Variants in MYO1E observed in about 807,000 individuals in gnomAD.
The protein encoded by MYO1E is myosin IE.
Under a neutral mutation model 151.1 loss-of-function variants are expected in MYO1E, and 68 were observed. The observed-to-expected ratio is 0.45, with a 90% CI of 0.37 to 0.55. The LOEUF (loss-of-function observed/expected upper bound fraction) is 0.55. Among genes scored for constraint, MYO1E ranks in the 20% least tolerant of loss-of-function variants. The pLI is 0.00. For missense variants in MYO1E, 1,363 were observed against 1,389.3 expected, an observed-to-expected ratio of 0.98 and a Z score of 0.30; for synonymous variants, 601 against 501.7, an observed-to-expected ratio of 1.20 and a Z score of -2.64.
rs1300702771 is a variant in MYO1E at position 59,238,409 on chromosome 15, CAA to C, written c.333-1739_333-1738del. Among the ~76,000 whole-genome samples, 3 of 152,146 alleles carry C rather than the reference CAA, an allele frequency of 2.0e-5. No individual in the cohort carries two copies. The South Asian group carries it at 6.2e-4, about 31-fold the overall frequency. On this transcript the variant is annotated intron_variant, in intron 4 of 27. Transcript: ENST00000288235. The stretch of plus-strand genomic sequence containing the variant: ...ACTGCACAGGCATTTGAAGTACTTA[CAA>C]AGAGTATGTAGCAACATAAAGATAA...
At chr15:59,325,647 T>C (rs2080659033) in intron 1 of MYO1E, among the ~76,000 whole-genome samples, 1 of 152,242 alleles carries the variant, frequency 6.6e-6, no homozygotes, top group Admixed American at 6.5e-5. Flanking sequence ...TTTTTAAAAA[T>C]TAATTTAGCA....
At chr15:59,186,152 A>G (rs76998026) in intron 18 of MYO1E, among the ~76,000 whole-genome samples, 8 of 152,188 alleles carry the variant, frequency 5.3e-5, no homozygotes, top group African/African-American at 1.9e-4. Context: ...TTCAGAGAAC[A>G]AAGAGGGTAA....
intron 1 of MYO1E, among the ~76,000 whole-genome samples, chr15:59,289,968 C>T (rs1345568661): frequency 6.6e-6 from 1 of 152,216 alleles, no homozygotes; most frequent in Non-Finnish European, 1.5e-5. Flanking sequence ...AAGAAGTGTG[C>T]CCCACAATGT....
At chr15:59,287,879 G>A (rs753935570) in intron 1 of MYO1E, among the ~76,000 whole-genome samples, 7 of 152,172 alleles carry the variant, frequency 4.6e-5, no homozygotes, top group Non-Finnish European at 8.8e-5. Flanking sequence ...TCAACTAGAA[G>A]GAGTGGATCA....
chr15:59,210,617 A>T lies in MYO1E; in HGVS notation c.1276-17T>A. On this transcript the variant is annotated splice_polypyrimidine_tract_variant and intron_variant, in intron 12 of 27. Transcript: ENST00000288235. ...ATATTCTTCCTGTAACACAGAGACA[A>T]GGAACTCACATTATTTCCCAGATAG... 1.3e-6 allele frequency: 2 copies of T among 1,524,280 alleles called. No homozygotes were observed. Among genetic ancestry groups the T allele is most frequent in the Non-Finnish European group, 1.8e-6 (2 of 1,098,214 alleles). 94.4% of individuals were successfully genotyped at this position (1,524,280 alleles called of 1,614,324 possible).
At chr15:59,285,753 T>C (rs1253451468) in intron 1 of MYO1E, among the ~76,000 whole-genome samples, 1 of 152,150 alleles carries the variant, frequency 6.6e-6, no homozygotes, top group East Asian at 1.9e-4. Context: ...AAAGAAAAAA[T>C]TAAGTCAGCC....
At chr15:59,184,270 G>A (rs566106000) in intron 18 of MYO1E, among the ~76,000 whole-genome samples, 7 of 152,282 alleles carry the variant, frequency 4.6e-5, no homozygotes, top group Admixed American at 1.3e-4. Context: ...GCCTCCCAAA[G>A]TGCTGGGATA....
At chr15:59,216,111 A>C (rs1466406653) in intron 10 of MYO1E, among the ~76,000 whole-genome samples, 2 of 152,206 alleles carry the variant, frequency 1.3e-5, no homozygotes, top group Non-Finnish European at 2.9e-5. Context: ...TAAGCCGTAT[A>C]AATGTTAGTG....
At chr15:59,322,764 GT>G (rs1173574917) in intron 1 of MYO1E, among the ~76,000 whole-genome samples, 1 of 151,778 alleles carries the variant, frequency 6.6e-6, no homozygotes, top group Non-Finnish European at 1.5e-5. Flanking sequence ...GAGTTTGTTT[GT>G]TTTTTTTCCA....
intron 12 of MYO1E, chr15:59,212,644 T>C (rs532681745): frequency 1.3e-5 from 2 of 152,294 alleles, no homozygotes; most frequent in South Asian, 4.1e-4. Flanking sequence ...TTTTTACAGT[T>C]CACTCTCCAT....
In MYO1E at chr15:59,325,160, C is replaced by T. The variant is rs150445077; in HGVS notation, c.3+47338G>A. Among the ~76,000 whole-genome samples, 16 of 152,146 alleles carry T rather than the reference C, an allele frequency of 1.1e-4. No homozygotes were observed. The East Asian group carries it at 2.3e-3, about 22-fold the overall frequency. On this transcript the variant is annotated intron_variant, in intron 1 of 27. Transcript: ENST00000288235. ...AGCGATTCTCCTGCCTCAGCCCTTCCGAGGAGCTGTGACTACAGGCGCCCG... is the reference window on the plus strand; with the variant it reads ...AGCGATTCTCCTGCCTCAGCCCTTCTGAGGAGCTGTGACTACAGGCGCCCG...
rs556155763 is a variant in MYO1E, at chr15:59,163,351, T to G, written c.2481-48A>C. The G allele has an allele frequency of 6.3e-6, 10 of 1,581,904 alleles. No individual in the cohort carries two copies. In the African/African-American group the frequency reaches 1.4e-4, roughly 21 times the overall value. ...CACTTGGTGAAAGCTGTGCTTCTGT[T>G]TACTCTATTGTTTTTTTTTTCTTCC... is the stretch of plus-strand genomic sequence containing the variant. On this transcript the variant is annotated intron_variant, in intron 22 of 27. Coordinates refer to ENST00000288235, the MANE Select transcript of MYO1E (RefSeq NM_004998.4).
intron 1 of MYO1E, among the ~76,000 whole-genome samples, chr15:59,330,073 TG>T (rs1253290969): frequency 6.6e-6 from 1 of 152,248 alleles, no homozygotes; most frequent in East Asian, 1.9e-4. Flanking sequence ...CACTTTATTC[TG>T]CATGTGGATT....
chr15:59,220,514 G>A (rs1326062883), intron 9 of MYO1E, among the ~76,000 whole-genome samples: 1 of 152,160 alleles, frequency 6.6e-6, no homozygotes, highest in South Asian at 2.1e-4. Context: ...TTTTGCTTTA[G>A]TAGGCCAGTT....
chr15:59,138,259 G>A lies in MYO1E; in HGVS notation c.3189C>T (p.Asp1063=), dbSNP rs762609400. Residue 1063 remains aspartate (D), a synonymous_variant, in exon 27 of 28, where the codon GAC becomes GAT. Transcript: ENST00000288235. ...VPQCKALYAY[D]AQDTDELSFN... is the part of the protein sequence containing the mutation. ...AGCTGAGTTCGTCTGTGTCCTGAGC[G>A]TCATAGGCATACAAAGCCTTGCACT... The A allele has an allele frequency of 8.1e-5, 130 of 1,614,096 alleles. No individual in the cohort carries two copies. Among genetic ancestry groups the A allele is most frequent in the East Asian group, 1.3e-4 (6 of 44,894 alleles).
At chr15:59,182,299 G>A (rs897427446) in intron 18 of MYO1E, among the ~76,000 whole-genome samples, 3 of 151,994 alleles carry the variant, frequency 2.0e-5, no homozygotes, top group Admixed American at 6.6e-5. Context: ...TGCAACCTGC[G>A]CCTCCCGGGT....
rs942710267 is a variant in MYO1E at position 59,248,544 on chromosome 15, G to C, written c.332+7740C>G. On this transcript the variant is annotated intron_variant, in intron 4 of 27. Coordinates refer to ENST00000288235, the MANE Select transcript of MYO1E (RefSeq NM_004998.4). ...CCATAGAAGCCACTCTTCCTGATTT[G>C]TCTGCCAGTGGGCTGAGGAGGAAGG... 2.1e-5 allele frequency among the ~76,000 whole-genome samples: 3 copies of C among 144,128 alleles called. No homozygotes were observed. In the South Asian group the frequency reaches 6.8e-4, roughly 33 times the overall value. The allele number at this position is 144,128 out of a possible 152,430, so 94.6% of individuals were successfully genotyped here. A position where few individuals can be genotyped will look rare whatever the true frequency, so the allele number is the denominator to read the frequency against.
chr15:59,241,518 T>G (rs879493652), intron 4 of MYO1E, among the ~76,000 whole-genome samples: 2 of 152,020 alleles, frequency 1.3e-5, no homozygotes, highest in African/African-American at 2.4e-5. Flanking sequence ...CTGGCCGACA[T>G]GGTAAAACCC....
In MYO1E at chr15:59,319,501, C is replaced by T. The variant is rs190767827; in HGVS notation, c.4-47052G>A. Among the ~76,000 whole-genome samples the T allele has an allele frequency of 4.6e-5, 6 of 129,362 alleles. No individual in the cohort carries two copies. The East Asian group carries it at 1.4e-3, about 30-fold the overall frequency. The allele number at this position is 129,362 out of a possible 152,430, so 84.9% of individuals were successfully genotyped here. ...GGAAGTTTTAGCCAGAGCTATCAGG[C>T]AAGAGAAAGAAAGAAAAGGCACCAA... On this transcript the variant is annotated intron_variant, in intron 1 of 27. Transcript: ENST00000288235.
Sources: gnomAD v4.1 joint callset for allele counts (sites outside exome capture counted in the v4.1 genomes callset) on GRCh38, gnomAD v4.1.1 for gene constraint, MANE v1.5 for transcripts, NCBI Gene and HGNC (gene_info 2026-07-23, HGNC 2026-07-21) for gene names.